UTS2B: variants seen among roughly 807,000 people sequenced by gnomAD.
UTS2B encodes urotensin-2B.
A neutral mutation model predicts 19.2 loss-of-function variants in UTS2B; 21 were observed. The ratio of observed to expected loss-of-function variants is 1.09; its 90% CI spans 0.78 to 1.58. The LOEUF (loss-of-function observed/expected upper bound fraction) is 1.58. Ranked by LOEUF, UTS2B falls within the 40% of genes most tolerant of loss-of-function variation. UTS2B has a pLI of 0.00. For synonymous variants in UTS2B, 57 were observed against 50.2 expected, an observed-to-expected ratio of 1.14 and a Z score of -0.58; for missense variants, 138 against 130.3, an observed-to-expected ratio of 1.06 and a Z score of -0.29.
chr3:191,268,465 T>G, intron 8 of UTS2B, 24 bp from the exon 9 acceptor site: 1 of 1,509,672 alleles, frequency 6.6e-7, no homozygotes, highest in Non-Finnish European at 9.1e-7. Context: ...CAAAATACAT[T>G]TTTTATTAGA....
At chr3:191,308,783 A>G (rs1263328134) in intron 3 of UTS2B, among the ~76,000 whole-genome samples, 1 of 152,136 alleles carries the variant, frequency 6.6e-6, no homozygotes, top group East Asian at 1.9e-4. Context: ...TATGGGGTTT[A>G]TTTCCACTTT....
At chr3:191,344,298 A>G in the UTS2B span, among the ~76,000 whole-genome samples, 13 of 152,336 alleles carry the variant, frequency 8.5e-5, no homozygotes, top group East Asian at 1.3e-3. Context: ...GTCCTATCTA[A>G]TAGAACAACT....
chr3:191,309,200 CGCCCAGGCTGG>C, intron 3 of UTS2B, among the ~76,000 whole-genome samples: 1 of 152,090 alleles, frequency 6.6e-6, no homozygotes, highest in African/African-American at 2.4e-5. Context: ...GTCTCGCTCT[CGCCCAGGCTGG>C]AGTGCAGTGG....
intron 3 of UTS2B, among the ~76,000 whole-genome samples, chr3:191,315,676 G>A (rs1483425451): frequency 6.6e-6 from 1 of 152,174 alleles, no homozygotes; most frequent in African/African-American, 2.4e-5. Flanking sequence ...GCTACCTATT[G>A]CCTAGTGCTT....
intron 5 of UTS2B, among the ~76,000 whole-genome samples, chr3:191,281,640 A>ATCT (rs143895546): frequency 0.39 from 40,988 of 105,686 alleles, 9,695 homozygotes; most frequent in Middle Eastern, 0.55. Flanking sequence ...ACAAGTTTCT[A>ATCT]TCTTGATGTA....
intron 5 of UTS2B, among the ~76,000 whole-genome samples, chr3:191,278,796 G>A (rs773117278): frequency 2.0e-5 from 3 of 151,950 alleles, no homozygotes; most frequent in Non-Finnish European, 4.4e-5. Flanking sequence ...ATTGAGACAA[G>A]AGACTTCTAG....
At chr3:191,285,761 T>C (rs764317485) in intron 4 of UTS2B, among the ~76,000 whole-genome samples, 37 of 151,924 alleles carry the variant, frequency 2.4e-4, no homozygotes, top group Non-Finnish European at 2.1e-4. Flanking sequence ...TAGCTGGGTG[T>C]GGTGGTGTGT....
intron 4 of UTS2B, among the ~76,000 whole-genome samples, chr3:191,297,135 T>C (rs1560139879): frequency 6.6e-6 from 1 of 152,214 alleles, no homozygotes; most frequent in Admixed American, 6.5e-5. Flanking sequence ...GTGTGTCTTT[T>C]GGATTTGAAC....
chr3:191,281,267 G>A (rs1716377732), intron 5 of UTS2B, among the ~76,000 whole-genome samples: 1 of 152,074 alleles, frequency 6.6e-6, no homozygotes, highest in African/African-American at 2.4e-5. Flanking sequence ...AAGAATTTCA[G>A]GCTGGAAAAG....
At chr3:191,288,072 T>G (rs1446247098) in intron 4 of UTS2B, among the ~76,000 whole-genome samples, 3 of 152,066 alleles carry the variant, frequency 2.0e-5, no homozygotes, top group Non-Finnish European at 4.4e-5. Context: ...AGGAATACAT[T>G]TATCAAATAA....
At chr3:191,294,353 G>A (rs560634975) in intron 4 of UTS2B, among the ~76,000 whole-genome samples, 33 of 151,830 alleles carry the variant, frequency 2.2e-4, no homozygotes, top group Non-Finnish European at 4.4e-4. Flanking sequence ...GGGTCTATTA[G>A]AAGACGCAAA....
chr3:191,320,562 G>C (rs1034314890), intron 2 of UTS2B, among the ~76,000 whole-genome samples: 2 of 152,142 alleles, frequency 1.3e-5, no homozygotes, highest in Non-Finnish European at 2.9e-5. Context: ...AAACTCCAGG[G>C]GAATAAGAGC....
At chr3:191,276,317 G>A (rs953080179) in intron 7 of UTS2B, among the ~76,000 whole-genome samples, 3 of 152,084 alleles carry the variant, frequency 2.0e-5, no homozygotes, top group Admixed American at 2.0e-4. Context: ...CGGAGAAAAG[G>A]GTGTTACTAG....
intron 8 of UTS2B, among the ~76,000 whole-genome samples, chr3:191,268,853 A>G (rs1213671199): frequency 6.6e-6 from 1 of 152,242 alleles, no homozygotes; most frequent in Non-Finnish European, 1.5e-5. Context: ...AGAAAGTCAC[A>G]TAAGTAAAAA....
the UTS2B span, among the ~76,000 whole-genome samples, chr3:191,338,698 G>A: frequency 6.6e-6 from 1 of 152,140 alleles, no homozygotes; most frequent in Non-Finnish European, 1.5e-5. Context: ...AAGCTCCATA[G>A]AGCTAATCTT....
intron 4 of UTS2B, among the ~76,000 whole-genome samples, chr3:191,300,520 T>C (rs1345973349): frequency 6.6e-6 from 1 of 152,210 alleles, no homozygotes; most frequent in Non-Finnish European, 1.5e-5. Context: ...TTTGAGTGAA[T>C]CCTGGAATGA....
At chr3:191,300,492 T>C (rs1420709840) in intron 4 of UTS2B, among the ~76,000 whole-genome samples, 1 of 152,234 alleles carries the variant, frequency 6.6e-6, no homozygotes, top group Non-Finnish European at 1.5e-5. Flanking sequence ...TTGTCTCAGA[T>C]GAGACTTTGG....
chr3:191,306,328 G>T (rs569388735), intron 3 of UTS2B, among the ~76,000 whole-genome samples: 2 of 152,286 alleles, frequency 1.3e-5, no homozygotes, highest in African/African-American at 4.8e-5. Context: ...GTTAACTTCA[G>T]AGATATATTT....
At chr3:191,325,289 A>T (rs905535991) in intron 2 of UTS2B, among the ~76,000 whole-genome samples, 1 of 151,998 alleles carries the variant, frequency 6.6e-6, no homozygotes, top group South Asian at 2.1e-4. Context: ...AGAAGTTGAA[A>T]ATATTTAAAA....
Sources: gnomAD v4.1 joint callset for allele counts (sites outside exome capture counted in the v4.1 genomes callset) on GRCh38, gnomAD v4.1.1 for gene constraint, MANE v1.5 for transcripts, NCBI Gene and HGNC (gene_info 2026-07-23, HGNC 2026-07-21) for gene names.